Variants in KCND3 observed in about 807,000 individuals in gnomAD.
KCND3 encodes the protein potassium voltage-gated channel subfamily D member 3.
A neutral mutation model predicts 51.1 loss-of-function variants in KCND3; 9 were observed. That is an observed-to-expected ratio of 0.18 (90% CI 0.11 to 0.31). The LOEUF is 0.31. Ranked by LOEUF, KCND3 falls within the 10% of genes least tolerant of loss-of-function variation. The pLI is 1.00. For synonymous variants in KCND3, 349 were observed against 368.0 expected (o/e 0.95, Z 0.59); for missense variants, 526 against 903.8 (o/e 0.58, Z 5.36).
intron 2 of KCND3, among the ~76,000 whole-genome samples, chr1:111,810,064 A>C (rs1231338833): frequency 3.3e-5 from 5 of 152,232 alleles, no homozygotes; most frequent in African/African-American, 1.2e-4. Flanking sequence ...TAAAAGATGC[A>C]TGACCAGCTC....
intron 2 of KCND3, among the ~76,000 whole-genome samples, chr1:111,843,788 T>C (rs1307870363): frequency 2.0e-5 from 3 of 152,192 alleles, no homozygotes; most frequent in African/African-American, 7.2e-5. Flanking sequence ...TTTGGCGACA[T>C]TTTGCAATGT....
At position 111,981,498 on chromosome 1, in the gene KCND3, C is replaced by T. The variant is rs1674944765; in HGVS notation, c.1106+123G>A. 2.9e-6 allele frequency: 4 copies of T among 1,399,804 alleles called. No homozygotes were observed. Among genetic ancestry groups the T allele is most frequent in the Non-Finnish European group, 2.0e-6 (2 of 994,384 alleles). 86.7% of individuals were successfully genotyped at this position (1,399,804 alleles called of 1,614,324 possible). ...CCTTCGGATAGAGCAACTTCCCCTG[C>T]CCCCAACACTTGGGTAAGGGACTCC... On this transcript the variant is annotated intron_variant, in intron 2 of 7. Coordinates refer to ENST00000302127, the MANE Select transcript of KCND3 (RefSeq NM_001378969.1). The surrounding 1 kb of genome is among the most constrained non-coding windows in gnomAD (Gnocchi z 6.2).
chr1:111,938,511 G>A (rs1415703718), intron 2 of KCND3, among the ~76,000 whole-genome samples: 1 of 152,190 alleles, frequency 6.6e-6, no homozygotes, highest in Non-Finnish European at 1.5e-5. Context: ...GTCAGATGGT[G>A]ATAACTGCTA....
rs1467172548 is a variant in KCND3, at chr1:111,989,552, G to C, written c.-120C>G. ...CCCGCGCCCGGCGCCCCGCGCGCGC[G>C]AGGAAGCTGCGGCCGGGAGCCGGGG... On this transcript the variant is annotated 5_prime_UTR_variant, in exon 1 of 8. Coordinates refer to ENST00000302127, the MANE Select transcript of KCND3 (RefSeq NM_001378969.1). 6.7e-6 allele frequency among the ~76,000 whole-genome samples: 1 copy of C among 149,716 alleles called. No individual in the cohort carries two copies. Among genetic ancestry groups the C allele is most frequent in the East Asian group, 1.9e-4 (1 of 5,138 alleles).
chr1:111,800,781 G>A (rs964900372), intron 2 of KCND3, among the ~76,000 whole-genome samples: 1 of 152,218 alleles, frequency 6.6e-6, no homozygotes, highest in East Asian at 1.9e-4. Context: ...GAGAGCACAC[G>A]CCCTGACCTG....
intron 2 of KCND3, among the ~76,000 whole-genome samples, chr1:111,860,929 T>C (rs1382053057): frequency 6.6e-6 from 1 of 152,194 alleles, no homozygotes. Context: ...AGTAAACACT[T>C]AGCTCCCAGC....
chr1:111,783,790 A>T (rs1248373452), intron 3 of KCND3, among the ~76,000 whole-genome samples: 1 of 150,196 alleles, frequency 6.7e-6, no homozygotes, highest in Non-Finnish European at 1.5e-5. Flanking sequence ...AGGCAAATAA[A>T]CAAACTGGTA....
intron 2 of KCND3, among the ~76,000 whole-genome samples, chr1:111,926,617 A>G (rs754438735): frequency 6.6e-6 from 1 of 152,256 alleles, no homozygotes; most frequent in Non-Finnish European, 1.5e-5. Flanking sequence ...CACTGAGGCT[A>G]GAGTGGGGAA....
intron 2 of KCND3, among the ~76,000 whole-genome samples, chr1:111,835,198 C>T (rs1003638350): frequency 2.6e-5 from 4 of 152,186 alleles, no homozygotes; most frequent in Middle Eastern, 3.2e-3. Context: ...GCATTCAGAT[C>T]TTTGTGCTGG....
At chr1:111,935,857 TA>T (rs1439347512) in intron 2 of KCND3, among the ~76,000 whole-genome samples, 2 of 152,182 alleles carry the variant, frequency 1.3e-5, no homozygotes, top group African/African-American at 4.8e-5. Flanking sequence ...TTCCAACTCA[TA>T]GGGAGCACAG....
intron 2 of KCND3, among the ~76,000 whole-genome samples, chr1:111,840,310 C>T (rs1281682802): frequency 6.6e-6 from 1 of 152,112 alleles, no homozygotes; most frequent in African/African-American, 2.4e-5. Context: ...GAGTACTGTG[C>T]CCCCTGGTGC....
At chr1:111,938,596 A>G (rs9429426) in intron 2 of KCND3, among the ~76,000 whole-genome samples, 4,683 of 152,248 alleles carry the variant, frequency 0.031, 229 homozygotes, top group African/African-American at 0.11. Context: ...TGTGAAAGGA[A>G]TGCCTCTTCC....
chr1:111,985,169 G>A (rs1675199337), intron 1 of KCND3, among the ~76,000 whole-genome samples: 1 of 152,142 alleles, frequency 6.6e-6, no homozygotes, highest in South Asian at 2.1e-4. Flanking sequence ...ACCCCAAAGT[G>A]GCAGAATAGG....
chr1:111,872,435 C>G (rs144593175), intron 2 of KCND3, among the ~76,000 whole-genome samples: 2 of 152,198 alleles, frequency 1.3e-5, no homozygotes, highest in Admixed American at 6.5e-5. Context: ...TTTATTTGAC[C>G]TGTGAACCTT....
At chr1:111,865,138 A>G (rs1668501152) in intron 2 of KCND3, among the ~76,000 whole-genome samples, 1 of 152,218 alleles carries the variant, frequency 6.6e-6, no homozygotes, top group Non-Finnish European at 1.5e-5. Flanking sequence ...TGTGACTTTA[A>G]GCTGTTATAT....
intron 2 of KCND3, among the ~76,000 whole-genome samples, chr1:111,872,597 A>G (rs1668874480): frequency 1.4e-5 from 2 of 142,894 alleles, no homozygotes; most frequent in African/African-American, 5.5e-5. Flanking sequence ...TTGGGGAGAA[A>G]GAGTGTTTTT....
intron 2 of KCND3, among the ~76,000 whole-genome samples, chr1:111,926,259 G>C (rs1276357922): frequency 6.6e-6 from 1 of 152,172 alleles, no homozygotes; most frequent in African/African-American, 2.4e-5. Flanking sequence ...CACTGTGATG[G>C]TACATAAGAA....
intron 3 of KCND3, among the ~76,000 whole-genome samples, chr1:111,783,091 A>G (rs977001984): frequency 6.6e-6 from 1 of 151,226 alleles, no homozygotes; most frequent in Non-Finnish European, 1.5e-5. Context: ...TGCCACTGTA[A>G]TGGGCTCAAT....
At chr1:111,796,577 T>C (rs754698975) in intron 2 of KCND3, among the ~76,000 whole-genome samples, 3 of 152,066 alleles carry the variant, frequency 2.0e-5, no homozygotes, top group Admixed American at 6.6e-5. Flanking sequence ...AACTAAATGA[T>C]GAGAACACAT....
Sources: gnomAD v4.1 joint callset for allele counts (sites outside exome capture counted in the v4.1 genomes callset) on GRCh38, gnomAD v4.1.1 for gene constraint, Gnocchi (gnomAD v3.1) non-coding constraint, MANE v1.5 for transcripts, NCBI Gene and HGNC (gene_info 2026-07-23, HGNC 2026-07-21) for gene names.